The following ROBO1 variants were observed in gnomAD, a reference collection of about 807,000 sequenced individuals.
The protein encoded by ROBO1 is roundabout guidance receptor 1, also known as roundabout homolog 1.
In ROBO1, 149 loss-of-function variants were observed where a neutral mutation model predicts 195.9. That is an observed-to-expected ratio of 0.76 (90% confidence interval 0.67 to 0.87). ROBO1 has a LOEUF of 0.87. ROBO1 is among the 40% of genes least tolerant of loss of function. The pLI, the probability that ROBO1 is intolerant of heterozygous loss-of-function variation, is 0.00. For synonymous variants in ROBO1, 816 were observed against 733.2 expected (o/e 1.11, Z -1.82); for missense variants, 1,933 against 2,068.3 (o/e 0.93, Z 1.27).
At chr3:79,586,553 T>A (rs1203117133) in intron 2 of ROBO1, among the ~76,000 whole-genome samples, 5 of 151,974 alleles carry the variant, frequency 3.3e-5, no homozygotes, top group Non-Finnish European at 7.4e-5. Flanking sequence ...TTTAAAGTGT[T>A]CTGTCTGATT....
At chr3:78,905,781 C>T (rs1559984692) in intron 4 of ROBO1, among the ~76,000 whole-genome samples, 2 of 152,048 alleles carry the variant, frequency 1.3e-5, no homozygotes, top group South Asian at 2.1e-4. Context: ...TTAATATTCA[C>T]AATAAATCTT....
At chr3:78,847,944 T>C (rs1030301639) in intron 4 of ROBO1, among the ~76,000 whole-genome samples, 7 of 152,162 alleles carry the variant, frequency 4.6e-5, no homozygotes, top group African/African-American at 1.4e-4. Flanking sequence ...AAAAGAGAAA[T>C]ATGACAATAG....
chr3:78,681,695 G>C (rs1033082376), intron 10 of ROBO1, among the ~76,000 whole-genome samples: 1 of 152,106 alleles, frequency 6.6e-6, no homozygotes, highest in African/African-American at 2.4e-5. Flanking sequence ...ACGAGGTCAG[G>C]AGATCAAGAC....
chr3:79,685,777 A>C (rs890502194), intron 1 of ROBO1, among the ~76,000 whole-genome samples: 5 of 152,160 alleles, frequency 3.3e-5, no homozygotes, highest in African/African-American at 1.2e-4. Flanking sequence ...TTCACAGCCA[A>C]ATTCTACCAG....
chr3:79,755,312 T>C (rs1704327981), intron 1 of ROBO1, among the ~76,000 whole-genome samples: 1 of 152,212 alleles, frequency 6.6e-6, no homozygotes, highest in South Asian at 2.1e-4. Context: ...TCTACCCTCT[T>C]GTGCTTATTA....
In ROBO1 at chr3:78,635,801, G is replaced by T; in HGVS notation, c.3345C>A (p.Asn1115Lys). ...TGTTCAGCTTGTTTTGCTCCACGAT[G>T]TTGTACTGAACTGGTGCCACTTCTT... ...QKQEVAPVQY[N>K]IVEQNKLNKD... The change falls in exon 23 of 31, where the codon AAC becomes AAA. Residue 1115 changes from asparagine to lysine, a missense_variant. By Grantham distance (94) the Asn-to-Lys change is moderately conservative. Coordinates refer to ENST00000464233, the MANE Select transcript of ROBO1 (RefSeq NM_002941.4). 1.2e-6 allele frequency: 2 copies of T among 1,613,816 alleles called. No homozygotes were observed. Among genetic ancestry groups the T allele is most frequent in the Non-Finnish European group, 1.7e-6 (2 of 1,179,776 alleles).
chr3:79,496,718 C>T (rs992032478), intron 2 of ROBO1, among the ~76,000 whole-genome samples: 1 of 152,062 alleles, frequency 6.6e-6, no homozygotes, highest in African/African-American at 2.4e-5. Context: ...ATCAAAATAG[C>T]CTTTAAATGT....
chr3:79,194,690 T>A (rs1396369256), intron 2 of ROBO1, among the ~76,000 whole-genome samples: 1 of 151,700 alleles, frequency 6.6e-6, no homozygotes, highest in Non-Finnish European at 1.5e-5. Context: ...TATCCTTCTG[T>A]CTTTATGACC....
intron 4 of ROBO1, among the ~76,000 whole-genome samples, chr3:78,891,389 C>T (rs140639177): frequency 4.3e-4 from 66 of 152,202 alleles, no homozygotes; most frequent in Non-Finnish European, 7.8e-4. Context: ...CATGGAAACA[C>T]AAATTAAACC....
chr3:78,790,535 G>A (rs1286069960), intron 4 of ROBO1, among the ~76,000 whole-genome samples: 3 of 152,078 alleles, frequency 2.0e-5, no homozygotes, highest in Non-Finnish European at 4.4e-5. Context: ...CCATCACCCT[G>A]TGGTGCTATC....
At chr3:78,876,097 TCA>T (rs1365774218) in intron 4 of ROBO1, among the ~76,000 whole-genome samples, 1 of 152,054 alleles carries the variant, frequency 6.6e-6, no homozygotes, top group Non-Finnish European at 1.5e-5. Flanking sequence ...GAAAGGTTAC[TCA>T]CAGTTATGTA....
chr3:78,764,045 G>C (rs779678568), intron 4 of ROBO1, among the ~76,000 whole-genome samples: 5 of 152,130 alleles, frequency 3.3e-5, no homozygotes, highest in Non-Finnish European at 7.4e-5. Flanking sequence ...ATTTTCAGTA[G>C]ATAACTCTGC....
At chr3:79,250,359 C>T (rs1362565561) in intron 2 of ROBO1, among the ~76,000 whole-genome samples, 1 of 152,170 alleles carries the variant, frequency 6.6e-6, no homozygotes, top group African/African-American at 2.4e-5. Flanking sequence ...AAATAGTTTT[C>T]TGCTGGACAA....
At chr3:78,926,831 GA>G (rs1349614012) in intron 4 of ROBO1, among the ~76,000 whole-genome samples, 1 of 152,074 alleles carries the variant, frequency 6.6e-6, no homozygotes, top group African/African-American at 2.4e-5. Context: ...TGAATAAGAG[GA>G]AAATCATATA....
intron 3 of ROBO1, among the ~76,000 whole-genome samples, chr3:78,971,820 C>T (rs879842986): frequency 1.3e-5 from 2 of 152,180 alleles, no homozygotes; most frequent in Non-Finnish European, 2.9e-5. Context: ...AGTTGGAGTG[C>T]ACTGGTGCCA....
At chr3:79,344,914 A>G (rs1176056615) in intron 2 of ROBO1, among the ~76,000 whole-genome samples, 1 of 151,710 alleles carries the variant, frequency 6.6e-6, no homozygotes, top group Non-Finnish European at 1.5e-5. Flanking sequence ...TTTTTCCTGC[A>G]CTCTCACTTT....
intron 3 of ROBO1, among the ~76,000 whole-genome samples, chr3:78,996,393 G>A (rs1576534771): frequency 6.7e-6 from 1 of 150,252 alleles, no homozygotes; most frequent in Non-Finnish European, 1.5e-5. Flanking sequence ...TACCACTTCT[G>A]TTTCTCTAAT....
chr3:79,762,500 A>G (rs150883095), intron 1 of ROBO1, among the ~76,000 whole-genome samples: 14 of 131,594 alleles, frequency 1.1e-4, no homozygotes, highest in South Asian at 2.2e-4. Flanking sequence ...ACTTAAACCT[A>G]TTTTCTTAAC....
At chr3:79,301,279 C>A (rs1455654987) in intron 2 of ROBO1, among the ~76,000 whole-genome samples, 1 of 152,192 alleles carries the variant, frequency 6.6e-6, no homozygotes, top group Non-Finnish European at 1.5e-5. Context: ...ACCTTAAGAG[C>A]TGACCGCGAG....
Sources: gnomAD v4.1 joint callset for allele counts (sites outside exome capture counted in the v4.1 genomes callset) on GRCh38, gnomAD v4.1.1 for gene constraint, MANE v1.5 for transcripts, NCBI Gene and HGNC (gene_info 2026-07-23, HGNC 2026-07-21) for gene names.